PPP1R3A: variants seen among roughly 807,000 people sequenced by gnomAD.
The protein encoded by PPP1R3A is protein phosphatase 1 regulatory subunit 3A.
A neutral mutation model predicts 41.7 loss-of-function variants in PPP1R3A; 29 were observed. That is an observed-to-expected ratio of 0.70 (90% CI 0.52 to 0.95). PPP1R3A has a LOEUF of 0.95. PPP1R3A is among the 40% of genes least tolerant of loss of function. The pLI is 0.00. For synonymous variants in PPP1R3A, 485 were observed against 453.4 expected, an observed-to-expected ratio of 1.07 and a Z score of -0.89; for missense variants, 1,352 against 1,292.4, an observed-to-expected ratio of 1.05 and a Z score of -0.71.
intron 1 of PPP1R3A, among the ~76,000 whole-genome samples, chr7:113,901,705 T>A (rs1797065236): frequency 1.3e-5 from 2 of 151,694 alleles, no homozygotes; most frequent in South Asian, 2.1e-4. Context: ...TGGTAAGGGG[T>A]CGTGTGGCAG....
chr7:113,878,420 T>C lies in PPP1R3A; in HGVS notation c.2672A>G (p.Lys891Arg), dbSNP rs368968256. The stretch of plus-strand genomic sequence containing the variant: ...ATGCACAATGGCATCCGAGTCTGTT[T>C]TCTTTGATAATTCTTGAACCTGCCT... ...DLRQVQELSKKTDSDAIVHSA... is the reference protein window; with the variant it reads ...DLRQVQELSKRTDSDAIVHSA... The change falls in exon 4 of 4, where the codon AAA becomes AGA. Residue 891 changes from lysine (K) to arginine (R), a missense_variant. Transcript: ENST00000284601. The C allele has an allele frequency of 2.8e-5, 45 of 1,611,796 alleles. No individual in the cohort carries two copies. The highest frequency in any genetic ancestry group is 3.7e-5 in the Non-Finnish European group (44 of 1,179,678).
chr7:113,902,968 CT>C (rs1797090124), intron 1 of PPP1R3A, among the ~76,000 whole-genome samples: 1 of 151,656 alleles, frequency 6.6e-6, no homozygotes, highest in Non-Finnish European at 1.5e-5. Flanking sequence ...AGTCACTGAT[CT>C]TTTTTTACTT....
At position 113,879,861 on chromosome 7, in the gene PPP1R3A, T is replaced by C; in HGVS notation, c.1231A>G (p.Asn411Asp). 1.2e-6 allele frequency: 2 copies of C among 1,613,554 alleles called. No homozygotes were observed. The highest frequency in any genetic ancestry group is 1.1e-5 in the South Asian group (1 of 91,068). The change falls in exon 4 of 4, where the codon AAT becomes GAT. Residue 411 changes from asparagine (N) to aspartate (D), a missense_variant. Physicochemically the swap from Asn to Asp is conservative, Grantham distance 23 (BLOSUM62 1). Coordinates refer to ENST00000284601, the MANE Select transcript of PPP1R3A (RefSeq NM_002711.4). ...THQPSEETTS[N>D]MGEIKPSLGD... ...AATGATGGCTTGATTTCTCCCATAT[T>C]TGAAGTAGTTTCCTCTGAAGGTTGA...
chr7:113,912,597 G>T (rs182869782), intron 1 of PPP1R3A, among the ~76,000 whole-genome samples: 7 of 152,170 alleles, frequency 4.6e-5, no homozygotes, highest in African/African-American at 1.7e-4. Context: ...GAGGGGTAGG[G>T]GTAAAAACCT....
intron 1 of PPP1R3A, among the ~76,000 whole-genome samples, chr7:113,892,502 C>T (rs571433420): frequency 6.6e-6 from 1 of 152,026 alleles, no homozygotes; most frequent in Non-Finnish European, 1.5e-5. Context: ...AGGCAAAATT[C>T]ATAATACATT....
rs567391457 is a variant in PPP1R3A at position 113,877,594 on chromosome 7, G to A, written c.*129C>T. ...TATATGAAGGAGCAAACTTATTCGC[G>A]TCCCTTTTTAAATGATCCTTCAAGA... On this transcript the variant is annotated 3_prime_UTR_variant, in exon 4 of 4. Transcript: ENST00000284601. 13 of 1,083,940 alleles carry A rather than the reference G, an allele frequency of 1.2e-5. No individual in the cohort carries two copies. The Admixed American group carries it at 1.3e-4, about 10-fold the overall frequency. The allele number at this position is 1,083,940 out of a possible 1,614,324, so 67.1% of individuals were successfully genotyped here.
chr7:113,909,430 A>G (rs574788858), intron 1 of PPP1R3A, among the ~76,000 whole-genome samples: 2 of 152,024 alleles, frequency 1.3e-5, no homozygotes, highest in South Asian at 4.2e-4. Flanking sequence ...AAATACTGTA[A>G]TAATAGTACC....
At chr7:113,892,327 G>A (rs532713087) in intron 1 of PPP1R3A, among the ~76,000 whole-genome samples, 6 of 152,022 alleles carry the variant, frequency 3.9e-5, no homozygotes, top group African/African-American at 1.4e-4. Context: ...CAGAAATGTC[G>A]AACAGGTTTT....
intron 1 of PPP1R3A, among the ~76,000 whole-genome samples, chr7:113,890,232 G>C (rs1796857123): frequency 6.6e-6 from 1 of 152,160 alleles, no homozygotes; most frequent in South Asian, 2.1e-4. Flanking sequence ...TCAAAATGTG[G>C]TTCACAGACC....
intron 1 of PPP1R3A, among the ~76,000 whole-genome samples, chr7:113,889,169 T>C (rs926156080): frequency 2.0e-5 from 3 of 152,150 alleles, no homozygotes; most frequent in Non-Finnish European, 4.4e-5. Context: ...TGCATCTCAC[T>C]GCCCCACTGG....
chr7:113,910,020 C>T (rs192397383), intron 1 of PPP1R3A, among the ~76,000 whole-genome samples: 4 of 152,106 alleles, frequency 2.6e-5, no homozygotes, highest in Admixed American at 6.6e-5. Flanking sequence ...ACAATCATGA[C>T]GGAAGACAAA....
chr7:113,900,903 C>T (rs986989460), intron 1 of PPP1R3A, among the ~76,000 whole-genome samples: 6 of 151,240 alleles, frequency 4.0e-5, no homozygotes, highest in African/African-American at 1.5e-4. Context: ...CAAGTTAAGA[C>T]ATTTTGAAAC....
Position 113,877,727 on chromosome 7 carries a change from T to C in PPP1R3A, c.3365A>G (p.Lys1122Arg). 6.5e-7 allele frequency: 1 copy of C among 1,544,864 alleles called. No individual in the cohort carries two copies. The change falls in exon 4 of 4, where the codon AAG becomes AGG. Residue 1122 changes from lysine to arginine, a missense_variant. Coordinates refer to ENST00000284601, the MANE Select transcript of PPP1R3A (RefSeq NM_002711.4). ...EGRQKESVKKK is the reference protein window; with the variant it reads ...EGRQKESVKKR ...GAGAGAATAGTAGTGCTGAGGTTACTTCTTTTTGACAGACTCTTTTTGTCT... is the reference window on the plus strand; with the variant it reads ...GAGAGAATAGTAGTGCTGAGGTTACCTCTTTTTGACAGACTCTTTTTGTCT...
chr7:113,885,656 A>T (rs1402647016), intron 1 of PPP1R3A, among the ~76,000 whole-genome samples: 1 of 151,736 alleles, frequency 6.6e-6, no homozygotes, highest in Non-Finnish European at 1.5e-5. Flanking sequence ...ATTATACAAC[A>T]ATCAAAATTA....
rs1796658025 is a variant in PPP1R3A, at chr7:113,879,888, G to C, written c.1204C>G (p.His402Asp). The change falls in exon 4 of 4, where the codon CAT becomes GAT. Residue 402 changes from histidine (H) to aspartate (D), a missense_variant. Transcript: ENST00000284601. Reference sequence around the variant, plus strand: ...GAAGTAGTTTCCTCTGAAGGTTGATGTGTACAGTCATCTCCTGAGGAATAT... The same window carrying C: ...GAAGTAGTTTCCTCTGAAGGTTGATCTGTACAGTCATCTCCTGAGGAATAT... ...EKYSSGDDCT[H>D]QPSEETTSNM... 6.2e-7 allele frequency: 1 copy of C among 1,613,488 alleles called. No homozygotes were observed. The highest frequency in any genetic ancestry group is 1.3e-5 in the African/African-American group (1 of 74,860).
chr7:113,879,037 C>T lies in PPP1R3A; in HGVS notation c.2055G>A (p.Val685=), dbSNP rs1796630210. 2 of 1,613,578 alleles carry T rather than the reference C, an allele frequency of 1.2e-6. No homozygotes were observed. Among genetic ancestry groups the T allele is most frequent in the Non-Finnish European group, 1.7e-6 (2 of 1,179,798 alleles). Residue 685 remains valine, a synonymous_variant, in exon 4 of 4, where the codon GTG becomes GTA. Coordinates refer to ENST00000284601, the MANE Select transcript of PPP1R3A (RefSeq NM_002711.4). ...HIKGQTDCED[V]WGKRDNTRSL... ...TCCTCGTATTATCTCTTTTTCCCCA[C>T]ACGTCTTCACAATCTGTTTGTCCTT...
chr7:113,882,019 G>A lies in PPP1R3A; in HGVS notation c.966+20C>T, dbSNP rs773566638. On this transcript the variant is annotated intron_variant, in intron 3 of 3. Coordinates refer to ENST00000284601, the MANE Select transcript of PPP1R3A (RefSeq NM_002711.4). ...AAATGGATTCATCTTCTCTAATACC[G>A]TGGCAACCAGAACACTTACCATCAA... The A allele has an allele frequency of 1.9e-5, 30 of 1,611,240 alleles. No homozygotes were observed. The highest frequency in any genetic ancestry group is 1.7e-4 in the Middle Eastern group (1 of 6,060).
At chr7:113,884,988 C>T (rs563460203) in intron 1 of PPP1R3A, among the ~76,000 whole-genome samples, 120 of 152,192 alleles carry the variant, frequency 7.9e-4, no homozygotes, top group African/African-American at 2.8e-3. Context: ...TAATTTTATA[C>T]TCATTTAATT....
rs775063356 is a variant in PPP1R3A, at chr7:113,879,613, C to T, written c.1479G>A (p.Thr493=). ...CTGTTGATTCTTTGAGACATGCCGA[C>T]GTATCTGAATGGAAATCTCTTCGTA... ...GCLRRDFHSD[T]SACLKESTEE... The change falls in exon 4 of 4, where the codon ACG becomes ACA. Residue 493 remains threonine (T), a synonymous_variant. Transcript: ENST00000284601. 55 of 1,613,086 alleles carry T rather than the reference C, an allele frequency of 3.4e-5. No individual in the cohort carries two copies. The highest frequency in any genetic ancestry group is 1.5e-4 in the African/African-American group (11 of 74,838).
Sources: gnomAD v4.1 joint callset for allele counts (sites outside exome capture counted in the v4.1 genomes callset) on GRCh38, gnomAD v4.1.1 for gene constraint, MANE v1.5 for transcripts, NCBI Gene and HGNC (gene_info 2026-07-23, HGNC 2026-07-21) for gene names.